Variants in GREB1L observed in about 807,000 individuals in gnomAD.
GREB1L encodes the protein GREB1 like retinoic acid receptor coactivator.
A neutral mutation model predicts 200.8 loss-of-function variants in GREB1L; 17 were observed. The ratio of observed to expected loss-of-function variants is 0.08; its 90% CI spans 0.06 to 0.13. The LOEUF (loss-of-function observed/expected upper bound fraction) is 0.13, where lower values mean the gene tolerates loss of function less well. Among genes scored for constraint, GREB1L ranks in the 10% least tolerant of loss-of-function variants. The pLI is 1.00. For missense variants in GREB1L, 1,657 were observed against 2,367.7 expected (o/e 0.70, Z 6.23); for synonymous variants, 789 against 893.0 (o/e 0.88, Z 2.08).
intron 18 of GREB1L, among the ~76,000 whole-genome samples, chr18:21,488,894 T>C (rs1359990010): frequency 6.6e-6 from 1 of 152,200 alleles, no homozygotes; most frequent in Non-Finnish European, 1.5e-5. Context: ...TGATCTCAAG[T>C]GATCCACCCA....
At chr18:21,464,247 G>T (rs1259308712) in intron 15 of GREB1L, among the ~76,000 whole-genome samples, 1 of 152,052 alleles carries the variant, frequency 6.6e-6, no homozygotes, top group South Asian at 2.1e-4. Context: ...TGTCATTAGG[G>T]GGCCGGGCGC....
chr18:21,477,240 C>T lies in GREB1L; in HGVS notation c.2440C>T (p.Leu814=). The T allele has an allele frequency of 1.9e-6, 3 of 1,551,960 alleles. No individual in the cohort carries two copies. Among genetic ancestry groups the T allele is most frequent in the Non-Finnish European group, 8.7e-7 (1 of 1,146,994 alleles). The change falls in exon 17 of 33, where the codon CTG becomes TTG. Residue 814 remains leucine (L), a synonymous_variant. Coordinates refer to ENST00000424526, the MANE Select transcript of GREB1L (RefSeq NM_001142966.3). ...ADRVINCREV[L]EAFNLLVLQV... is the part of the protein sequence containing the mutation. ...TAGAGTCATTAATTGCAGAGAAGTT[C>T]TGGAAGCTTTCAACCTCCTGGTGCT...
At chr18:21,386,037 G>A (rs948897409) in intron 4 of GREB1L, among the ~76,000 whole-genome samples, 1 of 152,094 alleles carries the variant, frequency 6.6e-6, no homozygotes, top group Non-Finnish European at 1.5e-5. Flanking sequence ...TTTAAAACAT[G>A]AGAATATGAG....
intron 7 of GREB1L, among the ~76,000 whole-genome samples, chr18:21,430,988 CATTT>C (rs1446998465): frequency 1.5e-5 from 2 of 135,202 alleles, no homozygotes; most frequent in Non-Finnish European, 3.1e-5. Context: ...GTTTAATTTT[CATTT>C]ATTTTATTTA....
intron 1 of GREB1L, among the ~76,000 whole-genome samples, chr18:21,244,710 A>G (rs1375455727): frequency 6.6e-6 from 1 of 152,164 alleles, no homozygotes. Context: ...TGCTCTTACG[A>G]GTTTGATGTC....
chr18:21,254,826 A>G (rs1407611936), intron 1 of GREB1L, among the ~76,000 whole-genome samples: 1 of 152,162 alleles, frequency 6.6e-6, no homozygotes, highest in Non-Finnish European at 1.5e-5. Context: ...CTTTGACTGG[A>G]GTCAGAAAAA....
In GREB1L at chr18:21,461,211, G is replaced by A. The variant is rs149472890; in HGVS notation, c.2182+6648G>A. ...GCTGATCAGTGGAGGAGCTGGCCCT[G>A]CTCTGTTTCAGCCTGACCCACACGC... is the stretch of plus-strand genomic sequence containing the variant. On this transcript the variant is annotated intron_variant, in intron 15 of 32. Transcript: ENST00000424526. Among the ~76,000 whole-genome samples the A allele has an allele frequency of 6.1e-4, 93 of 152,056 alleles. No individual in the cohort carries two copies. The East Asian group carries it at 0.015, about 25-fold the overall frequency.
At chr18:21,253,733 T>C (rs1420990843) in intron 1 of GREB1L, among the ~76,000 whole-genome samples, 2 of 152,322 alleles carry the variant, frequency 1.3e-5, no homozygotes, top group East Asian at 1.9e-4. Flanking sequence ...GCAGTTCTGC[T>C]TCAAGTATTT....
intron 1 of GREB1L, among the ~76,000 whole-genome samples, chr18:21,361,973 A>G (rs917618338): frequency 3.7e-4 from 57 of 152,326 alleles, no homozygotes; most frequent in Admixed American, 3.7e-3. Context: ...ACTTAGGGCC[A>G]GTGTGTATAA....
At chr18:21,267,476 C>A (rs147310885) in intron 1 of GREB1L, among the ~76,000 whole-genome samples, 2 of 152,250 alleles carry the variant, frequency 1.3e-5, no homozygotes, top group East Asian at 3.9e-4. Flanking sequence ...GCCACTGTGC[C>A]CAGCCACATT....
chr18:21,338,193 A>G (rs946372985), intron 1 of GREB1L, among the ~76,000 whole-genome samples: 2 of 152,130 alleles, frequency 1.3e-5, no homozygotes, highest in African/African-American at 4.8e-5. Context: ...GGGTGTTCAA[A>G]ATGCAAACTC....
chr18:21,380,447 A>G (rs1451595059), intron 2 of GREB1L: 1 of 152,142 alleles, frequency 6.6e-6, no homozygotes, highest in Non-Finnish European at 1.5e-5. Context: ...GGCATTCCAG[A>G]TAAATTTTAA....
In GREB1L at chr18:21,311,837, CTTTTA is replaced by C. The variant is rs144618030; in HGVS notation, c.-119-54184_-119-54180del. On this transcript the variant is annotated intron_variant, in intron 1 of 32. Coordinates refer to ENST00000424526, the MANE Select transcript of GREB1L (RefSeq NM_001142966.3). The stretch of plus-strand genomic sequence containing the variant: ...CAATGGCAGAGAGGTTTTTTTTTAA[CTTTTA>C]TTTTAGGTTCAAGGGTACATGTGCA... 7.6e-3 allele frequency among the ~76,000 whole-genome samples: 1,152 copies of C among 151,300 alleles called. 19 individuals are homozygous for C. Among genetic ancestry groups the C allele is most frequent in the African/African-American group, 0.027 (1,107 of 41,222 alleles).
chr18:21,373,787 T>C (rs544335274), intron 2 of GREB1L, among the ~76,000 whole-genome samples: 1 of 152,380 alleles, frequency 6.6e-6, no homozygotes, highest in African/African-American at 2.4e-5. Flanking sequence ...GAATAAATGC[T>C]TTGCTCTTTT....
rs545575928 is a variant in GREB1L at position 21,381,275 on chromosome 18, G to A, written c.-9-2235G>A. On this transcript the variant is annotated intron_variant, in intron 2 of 32. Coordinates refer to ENST00000424526, the MANE Select transcript of GREB1L (RefSeq NM_001142966.3). ...TAATAATAATTAGCCGGGCACAGTG[G>A]CAGGCGCCTGTAATCCCAGCTACTC... Among the ~76,000 whole-genome samples, 259 of 151,950 alleles carry A rather than the reference G, an allele frequency of 1.7e-3. 1 individual carries two copies. In the Middle Eastern group the frequency reaches 0.038, roughly 22 times the overall value.
intron 1 of GREB1L, among the ~76,000 whole-genome samples, chr18:21,260,790 G>A (rs2037877518): frequency 6.6e-6 from 1 of 151,828 alleles, no homozygotes; most frequent in African/African-American, 2.4e-5. Context: ...GGTTATGATA[G>A]TCCAGCTGCC....
chr18:21,329,973 G>T (rs989166884), intron 1 of GREB1L, among the ~76,000 whole-genome samples: 4 of 150,066 alleles, frequency 2.7e-5, no homozygotes, highest in Admixed American at 6.6e-5. Context: ...TTTTTTTGGG[G>T]GGGGGGGGTC....
chr18:21,454,103 G>A (rs2034647396), intron 14 of GREB1L, among the ~76,000 whole-genome samples: 1 of 152,144 alleles, frequency 6.6e-6, no homozygotes, highest in African/African-American at 2.4e-5. Flanking sequence ...GTTGAATTAG[G>A]CATTTGTGAG....
chr18:21,442,974 A>G (rs1008139905), intron 10 of GREB1L, among the ~76,000 whole-genome samples: 1 of 152,074 alleles, frequency 6.6e-6, no homozygotes, highest in Non-Finnish European at 1.5e-5. Flanking sequence ...CAGTGGCACA[A>G]TCTCTGCTCA....
Sources: gnomAD v4.1 joint callset for allele counts (sites outside exome capture counted in the v4.1 genomes callset) on GRCh38, gnomAD v4.1.1 for gene constraint, MANE v1.5 for transcripts, NCBI Gene and HGNC (gene_info 2026-07-23, HGNC 2026-07-21) for gene names.